Variants in TAFA2 observed in about 807,000 individuals in gnomAD.
TAFA2 encodes the protein chemokine-like protein TAFA-2.
TAFA2 carries 7 observed loss-of-function variants against 18.8 expected under a neutral mutation model. The ratio of observed to expected loss-of-function variants is 0.37; its 90% CI spans 0.21 to 0.70. TAFA2 has a LOEUF of 0.70. Among genes scored for constraint, TAFA2 ranks in the 30% least tolerant of loss-of-function variants. TAFA2 has a pLI of 0.53. For synonymous variants in TAFA2, 60 were observed against 54.2 expected (o/e 1.11, Z -0.47); for missense variants, 122 against 158.1 (o/e 0.77, Z 1.23).
At chr12:62,090,118 C>T (rs1317118044) in intron 1 of TAFA2, among the ~76,000 whole-genome samples, 1 of 152,006 alleles carries the variant, frequency 6.6e-6, no homozygotes, top group East Asian at 1.9e-4. Context: ...ATTAGTCTCC[C>T]TTGGTTTTAA....
At chr12:62,004,048 T>C (rs1880465958) in intron 1 of TAFA2, among the ~76,000 whole-genome samples, 1 of 152,130 alleles carries the variant, frequency 6.6e-6, no homozygotes, top group Non-Finnish European at 1.5e-5. Context: ...TAAAATCACT[T>C]TTGGTTTATA....
intron 1 of TAFA2, among the ~76,000 whole-genome samples, chr12:62,187,196 C>T (rs1199120163): frequency 2.6e-5 from 4 of 152,130 alleles, no homozygotes; most frequent in Non-Finnish European, 4.4e-5. Context: ...ATAAAAACAT[C>T]CACAGTGTCT....
At chr12:62,061,929 C>T (rs1405105731) in intron 1 of TAFA2, among the ~76,000 whole-genome samples, 2 of 152,000 alleles carry the variant, frequency 1.3e-5, no homozygotes, top group Non-Finnish European at 1.5e-5. Context: ...GCGGAGAAGA[C>T]GCAGCACCAA....
intron 1 of TAFA2, among the ~76,000 whole-genome samples, chr12:62,232,837 T>C (rs2062817784): frequency 6.6e-6 from 1 of 151,996 alleles, no homozygotes; most frequent in African/African-American, 2.4e-5. Flanking sequence ...CCACCCACTG[T>C]CCTACTTTGG....
chr12:61,869,419 A>T (rs1014458515), intron 1 of TAFA2, among the ~76,000 whole-genome samples: 1 of 152,310 alleles, frequency 6.6e-6, no homozygotes, highest in Admixed American at 6.5e-5. Flanking sequence ...AACGCTAGCC[A>T]TTACTGTAAT....
At chr12:61,853,640 C>T (rs931747100) in intron 2 of TAFA2, among the ~76,000 whole-genome samples, 1 of 152,170 alleles carries the variant, frequency 6.6e-6, no homozygotes, top group Non-Finnish European at 1.5e-5. Flanking sequence ...TTTCTGAAAG[C>T]TGTCTGAGAG....
chr12:62,131,186 A>C (rs1325195520), intron 1 of TAFA2, among the ~76,000 whole-genome samples: 1 of 151,958 alleles, frequency 6.6e-6, no homozygotes, highest in African/African-American at 2.4e-5. Context: ...TGAGGGCACA[A>C]AAGCAAAATG....
chr12:62,255,092 G>A (rs1313678568), intron 1 of TAFA2: 3 of 151,988 alleles, frequency 2.0e-5, no homozygotes, highest in Non-Finnish European at 4.4e-5. Context: ...AAAGTAAAAC[G>A]GATCAAGTAT....
At chr12:62,246,326 T>C (rs116096092) in intron 1 of TAFA2, among the ~76,000 whole-genome samples, 3,472 of 152,302 alleles carry the variant, frequency 0.023, 135 homozygotes, top group African/African-American at 0.078. Context: ...ATGTAATCTC[T>C]AACTATGATT....
At chr12:61,759,496 A>G (rs1332318017) in intron 2 of TAFA2, among the ~76,000 whole-genome samples, 1 of 152,012 alleles carries the variant, frequency 6.6e-6, no homozygotes, top group Non-Finnish European at 1.5e-5. Context: ...CATCAATCTG[A>G]ATCCCCAACT....
intron 4 of TAFA2, among the ~76,000 whole-genome samples, chr12:61,750,767 T>C (rs188198133): frequency 1.3e-5 from 2 of 152,148 alleles, no homozygotes; most frequent in Non-Finnish European, 2.9e-5. Flanking sequence ...TGTACATTAT[T>C]GCATATTTTA....
intron 2 of TAFA2, among the ~76,000 whole-genome samples, chr12:61,771,161 A>T (rs191230897): frequency 4.2e-4 from 64 of 152,218 alleles, no homozygotes; most frequent in African/African-American, 1.5e-3. Context: ...AGGACATCAT[A>T]TAATGAGAAA....
At chr12:61,783,260 T>C (rs1870582331) in intron 2 of TAFA2, among the ~76,000 whole-genome samples, 1 of 151,692 alleles carries the variant, frequency 6.6e-6, no homozygotes, top group African/African-American at 2.4e-5. Flanking sequence ...ATATAAAAAT[T>C]AGTATTCATT....
At chr12:61,997,754 TA>T (rs1008978234) in intron 1 of TAFA2, among the ~76,000 whole-genome samples, 3 of 149,546 alleles carry the variant, frequency 2.0e-5, no homozygotes, top group Admixed American at 6.7e-5. Flanking sequence ...TTTACATGTT[TA>T]AAAAAAAGTG....
chr12:61,781,181 T>C (rs1206488961), intron 2 of TAFA2, among the ~76,000 whole-genome samples: 3 of 151,724 alleles, frequency 2.0e-5, no homozygotes, highest in African/African-American at 7.2e-5. Flanking sequence ...AAATGGGTCA[T>C]TGTAAGATCC....
intron 1 of TAFA2, among the ~76,000 whole-genome samples, chr12:61,955,632 A>ATATATTTATAT (rs1434243909): frequency 4.9e-5 from 2 of 41,210 alleles, no homozygotes; most frequent in Non-Finnish European, 7.8e-5. Context: ...AAAAAAAAAA[A>ATATATTTATAT]ATATATATAT....
chr12:62,209,999 G>C (rs986974023), intron 1 of TAFA2, among the ~76,000 whole-genome samples: 3 of 152,092 alleles, frequency 2.0e-5, no homozygotes, highest in Admixed American at 6.5e-5. Flanking sequence ...AGGAAATCGA[G>C]ACCATCCTGG....
At chr12:62,173,870 G>A (rs1174080311) in intron 1 of TAFA2, among the ~76,000 whole-genome samples, 1 of 152,222 alleles carries the variant, frequency 6.6e-6, no homozygotes, top group Admixed American at 6.5e-5. Flanking sequence ...AGATTAATCT[G>A]AGATATCCAG....
intron 4 of TAFA2, among the ~76,000 whole-genome samples, chr12:61,724,706 TATTTC>T (rs1870058467): frequency 6.6e-6 from 1 of 150,800 alleles, no homozygotes; most frequent in African/African-American, 2.4e-5. Context: ...TGAAAGAAAT[TATTTC>T]ATTTCTTTTC....
Sources: gnomAD v4.1 joint callset for allele counts (sites outside exome capture counted in the v4.1 genomes callset) on GRCh38, gnomAD v4.1.1 for gene constraint, MANE v1.5 for transcripts, NCBI Gene and HGNC (gene_info 2026-07-23, HGNC 2026-07-21) for gene names.